Variants in LNX1 observed in about 807,000 individuals in gnomAD.
The protein encoded by LNX1 is ligand of numb-protein X 1, also known as E3 ubiquitin-protein ligase LNX.
Under a neutral mutation model 68.4 loss-of-function variants are expected in LNX1, and 54 were observed. That is an observed-to-expected ratio of 0.79 (90% CI 0.63 to 0.99). LNX1 has a LOEUF of 0.99. Among genes scored for constraint, LNX1 ranks in the 50% least tolerant of loss-of-function variants. The pLI is 0.00. For synonymous variants in LNX1, 336 were observed against 350.0 expected (o/e 0.96, Z 0.45); for missense variants, 906 against 926.4 (o/e 0.98, Z 0.29).
chr4:53,461,873 CTT>C (rs1722157465), intron 9 of LNX1, among the ~76,000 whole-genome samples: 1 of 152,066 alleles, frequency 6.6e-6, no homozygotes, highest in African/African-American at 2.4e-5. Flanking sequence ...ATATTTTTAA[CTT>C]AAGACAATGC....
intron 2 of LNX1, among the ~76,000 whole-genome samples, chr4:53,569,619 T>C (rs1477540469): frequency 6.6e-6 from 1 of 150,576 alleles, no homozygotes; most frequent in Non-Finnish European, 1.5e-5. Flanking sequence ...ACTTCATGTT[T>C]AAAACACCAA....
chr4:53,632,097 A>G (rs1290917848), intron 1 of LNX1, among the ~76,000 whole-genome samples: 1 of 152,150 alleles, frequency 6.6e-6, no homozygotes, highest in Non-Finnish European at 1.5e-5. Flanking sequence ...TGAAGGGAGC[A>G]GAATGGTACC....
At chr4:53,633,805 C>T (rs1175145983) in intron 1 of LNX1, among the ~76,000 whole-genome samples, 1 of 152,168 alleles carries the variant, frequency 6.6e-6, no homozygotes, top group Non-Finnish European at 1.5e-5. Flanking sequence ...TGAGAGTTTA[C>T]AGCCTCAGCC....
chr4:53,492,585 T>C (rs1724774874), intron 6 of LNX1, among the ~76,000 whole-genome samples: 1 of 143,890 alleles, frequency 6.9e-6, no homozygotes, highest in Non-Finnish European at 1.5e-5. Flanking sequence ...GCTCATTCTC[T>C]CTGCTGTGCA....
intron 2 of LNX1, among the ~76,000 whole-genome samples, chr4:53,531,683 G>T (rs1259038488): frequency 6.6e-6 from 1 of 152,168 alleles, no homozygotes; most frequent in East Asian, 1.9e-4. Flanking sequence ...ACTGTGAACA[G>T]GATTAAACGT....
At chr4:53,558,464 T>C (rs1730078772) in intron 2 of LNX1, among the ~76,000 whole-genome samples, 1 of 152,222 alleles carries the variant, frequency 6.6e-6, no homozygotes, top group Non-Finnish European at 1.5e-5. Flanking sequence ...TGGAGCAGCC[T>C]GGAGAGCTGA....
chr4:53,583,711 GAA>G (rs1731975489), intron 1 of LNX1, among the ~76,000 whole-genome samples: 1 of 152,140 alleles, frequency 6.6e-6, no homozygotes, highest in Non-Finnish European at 1.5e-5. Flanking sequence ...GTGGTTAAGC[GAA>G]AAGAGTCCCA....
chr4:53,464,736 A>T (rs1722537358), intron 9 of LNX1, among the ~76,000 whole-genome samples: 1 of 151,550 alleles, frequency 6.6e-6, no homozygotes, highest in Admixed American at 6.6e-5. Flanking sequence ...AGCAGAAAAG[A>T]CAATCTCACG....
chr4:53,497,564 A>G (rs1394537894), intron 5 of LNX1, among the ~76,000 whole-genome samples: 1 of 152,180 alleles, frequency 6.6e-6, no homozygotes, highest in Non-Finnish European at 1.5e-5. Flanking sequence ...GGGCCCAGAG[A>G]AGGTCAGGGG....
At chr4:53,559,562 C>A (rs1291761488) in intron 2 of LNX1, among the ~76,000 whole-genome samples, 2 of 152,172 alleles carry the variant, frequency 1.3e-5, no homozygotes, top group Non-Finnish European at 1.5e-5. Context: ...AGTAATAGTG[C>A]TTAACTCAGA....
chr4:53,549,425 A>G (rs1316245193), intron 2 of LNX1: 1 of 150,384 alleles, frequency 6.6e-6, no homozygotes, highest in African/African-American at 2.5e-5. Context: ...GCTCCTTTGT[A>G]TCGGCGGAGA....
intron 2 of LNX1, among the ~76,000 whole-genome samples, chr4:53,525,097 A>C (rs1253194213): frequency 6.6e-6 from 1 of 152,208 alleles, no homozygotes; most frequent in East Asian, 1.9e-4. Context: ...CCTCACGTGT[A>C]TCATGCTCCT....
rs542474622 is a variant in LNX1, at chr4:53,472,031, T to A, written c.1892+4722A>T. Among the ~76,000 whole-genome samples, 54 of 152,314 alleles carry A rather than the reference T, an allele frequency of 3.5e-4. 1 individual carries two copies. The highest frequency in any genetic ancestry group is 3.3e-3 in the Admixed American group (50 of 15,300). On this transcript the variant is annotated intron_variant, in intron 9 of 10. Coordinates refer to ENST00000263925, the MANE Select transcript of LNX1 (RefSeq NM_001126328.3). Reference sequence around the variant, plus strand: ...TAAATCATGCTACTATAAAGACACATGCACACTTATGTTTATTGCGGCACT... The same window carrying A: ...TAAATCATGCTACTATAAAGACACAAGCACACTTATGTTTATTGCGGCACT...
At chr4:53,628,275 C>A (rs994249343) in intron 1 of LNX1, among the ~76,000 whole-genome samples, 1 of 152,076 alleles carries the variant, frequency 6.6e-6, no homozygotes, top group Non-Finnish European at 1.5e-5. Context: ...TCAGAATCTA[C>A]AAGGAACTTA....
intron 9 of LNX1, among the ~76,000 whole-genome samples, chr4:53,471,193 T>C (rs1458784184): frequency 6.6e-6 from 1 of 151,642 alleles, no homozygotes; most frequent in Admixed American, 6.6e-5. Flanking sequence ...GCCGCATATC[T>C]ACAACCATCT....
intron 1 of LNX1, among the ~76,000 whole-genome samples, chr4:53,638,138 T>C (rs532522914): frequency 1.5e-4 from 23 of 152,334 alleles, no homozygotes; most frequent in African/African-American, 4.3e-4. Context: ...GATCTTGTCA[T>C]TGGGCATATT....
upstream of LNX1, among the ~76,000 whole-genome samples, chr4:53,618,711 C>T (rs1057015714): frequency 2.6e-5 from 4 of 152,134 alleles, no homozygotes; most frequent in Admixed American, 2.0e-4. Context: ...TTAAATTTTC[C>T]AGTAGCCACA....
intron 9 of LNX1, among the ~76,000 whole-genome samples, chr4:53,471,648 A>T (rs2150571611): frequency 6.6e-6 from 1 of 152,000 alleles, no homozygotes; most frequent in Non-Finnish European, 1.5e-5. Flanking sequence ...TTTACAAGAA[A>T]AAAAAACCCC....
intron 6 of LNX1, among the ~76,000 whole-genome samples, chr4:53,495,544 A>G (rs1315050166): frequency 1.2e-5 from 1 of 83,210 alleles, no homozygotes; most frequent in Non-Finnish European, 2.4e-5. Flanking sequence ...AATGCATGGC[A>G]TAGCTTTTTT....
Sources: gnomAD v4.1 joint callset for allele counts (sites outside exome capture counted in the v4.1 genomes callset) on GRCh38, gnomAD v4.1.1 for gene constraint, MANE v1.5 for transcripts, NCBI Gene and HGNC (gene_info 2026-07-23, HGNC 2026-07-21) for gene names.